The following CACNA1C variants were observed in gnomAD, a reference collection of about 807,000 sequenced individuals.
CACNA1C encodes the protein calcium voltage-gated channel subunit alpha1 C.
CACNA1C carries 30 observed loss-of-function variants against 229.0 expected under a neutral mutation model. The observed-to-expected ratio is 0.13, with a 90% CI of 0.10 to 0.18. CACNA1C has a LOEUF of 0.18. Among genes scored for constraint, CACNA1C ranks in the 10% least tolerant of loss-of-function variants. The probability of loss-of-function intolerance (pLI) is 1.00; values close to 1 mark genes in which losing one functional copy is unlikely to be tolerated. For missense variants in CACNA1C, 1,658 were observed against 2,845.0 expected, an observed-to-expected ratio of 0.58 and a Z score of 9.49; for synonymous variants, 1,114 against 1,132.5, an observed-to-expected ratio of 0.98 and a Z score of 0.33.
intron 29 of CACNA1C, 37 bp from the exon 30 acceptor site, chr12:2,634,260 T>G (rs1258086618): frequency 4.6e-6 from 5 of 1,091,592 alleles, no homozygotes; most frequent in Non-Finnish European, 6.6e-6. Flanking sequence ...TTGTTGGTTC[T>G]TCTTCTCTCT....
intron 9 of CACNA1C, among the ~76,000 whole-genome samples, chr12:2,536,243 G>T (rs968907980): frequency 8.5e-5 from 13 of 152,200 alleles, no homozygotes; most frequent in Non-Finnish European, 1.5e-4. Flanking sequence ...AGAACAAATC[G>T]TGAGCTCTGC....
At chr12:2,327,636 G>A (rs556844379) in intron 3 of CACNA1C, among the ~76,000 whole-genome samples, 12 of 152,322 alleles carry the variant, frequency 7.9e-5, no homozygotes, top group Middle Eastern at 3.4e-3. Context: ...CTCGGAATAC[G>A]TGAACCTGAT....
chr12:2,431,957 C>T (rs553609666), intron 3 of CACNA1C, among the ~76,000 whole-genome samples: 12 of 152,318 alleles, frequency 7.9e-5, no homozygotes, highest in African/African-American at 2.6e-4. Flanking sequence ...TCAGCCCAAC[C>T]CTGCCAAGGT....
Position 2,323,982 on chromosome 12 carries a change from G to A in CACNA1C, c.478-124994G>A, listed in dbSNP as rs188390824. On this transcript the variant is annotated intron_variant, in intron 3 of 46. Coordinates refer to ENST00000399655, the MANE Select transcript of CACNA1C (RefSeq NM_000719.7). The stretch of plus-strand genomic sequence containing the variant: ...ATGAAATCTGAGTCCTTCCATTCCA[G>A]TTCTCCATCGCAGGAGCCGGGTCTG... 1.6e-4 allele frequency among the ~76,000 whole-genome samples: 24 copies of A among 152,336 alleles called. No individual in the cohort carries two copies. The South Asian group carries it at 2.5e-3, about 16-fold the overall frequency.
At chr12:1,997,300 G>A (rs1393456405) in intron 1 of CACNA1C, among the ~76,000 whole-genome samples, 2 of 152,128 alleles carry the variant, frequency 1.3e-5, no homozygotes, top group Non-Finnish European at 1.5e-5. Flanking sequence ...AGGCCAAGGC[G>A]GGTGGATCAC....
At chr12:2,222,355 C>T (rs749079580) in intron 3 of CACNA1C, 1 of 152,018 alleles carries the variant, frequency 6.6e-6, no homozygotes, top group Non-Finnish European at 1.5e-5. Flanking sequence ...AGTCCCAGCT[C>T]AGCCATTCAC....
At chr12:2,195,958 G>C (rs1259346336) in intron 3 of CACNA1C, among the ~76,000 whole-genome samples, 2 of 152,194 alleles carry the variant, frequency 1.3e-5, no homozygotes, top group African/African-American at 4.8e-5. Context: ...AGCATCGCTG[G>C]CAGAGGAGTG....
At chr12:2,374,104 G>A (rs966889396) in intron 3 of CACNA1C, among the ~76,000 whole-genome samples, 10 of 152,096 alleles carry the variant, frequency 6.6e-5, no homozygotes, top group African/African-American at 2.2e-4. Flanking sequence ...ACCCTCTTCC[G>A]CCCCACAACT....
chr12:2,124,542 G>A (rs1229823091), intron 3 of CACNA1C, among the ~76,000 whole-genome samples: 8 of 152,226 alleles, frequency 5.3e-5, no homozygotes, highest in Non-Finnish European at 8.8e-5. Context: ...GAGGAGGCTC[G>A]AAGGCTTTAA....
At chr12:2,060,284 G>A (rs936970985) in intron 1 of CACNA1C, among the ~76,000 whole-genome samples, 3 of 152,174 alleles carry the variant, frequency 2.0e-5, no homozygotes, top group African/African-American at 7.2e-5. Flanking sequence ...GGCATTACCA[G>A]TAGCTGGGGT....
rs145657634 is a variant in CACNA1C at position 2,497,969 on chromosome 12, T to TCTCACA, written c.1113+4584_1113+4585insTCACAC. Among the ~76,000 whole-genome samples, 408 of 144,014 alleles carry TCTCACA rather than the reference T, an allele frequency of 2.8e-3. 4 individuals are homozygous for TCTCACA. The highest frequency in any genetic ancestry group is 0.01 in the African/African-American group (399 of 39,412). The allele number at this position is 144,014 out of a possible 152,430, so 94.5% of individuals were successfully genotyped here. A position where few individuals can be genotyped will look rare whatever the true frequency, so the allele number is the denominator to read the frequency against. The stretch of plus-strand genomic sequence containing the variant: ...TGCGGAGAAGGTATTTCTATTAAAT[T>TCTCACA]CACACACACACACACACACACACAC... On this transcript the variant is annotated intron_variant, in intron 7 of 46. Transcript: ENST00000399655.
At chr12:2,003,405 T>C (rs925357001) in intron 1 of CACNA1C, among the ~76,000 whole-genome samples, 64 of 152,376 alleles carry the variant, frequency 4.2e-4, no homozygotes, top group Non-Finnish European at 3.2e-4. Context: ...ATGGATATCA[T>C]GTATGTGATA....
intron 3 of CACNA1C, among the ~76,000 whole-genome samples, chr12:2,191,651 C>T (rs545261105): frequency 6.9e-6 from 1 of 145,216 alleles, no homozygotes; most frequent in Admixed American, 6.7e-5. Flanking sequence ...TAAACAGGCA[C>T]ACACACGCAC....
chr12:2,041,956 AAGTT>A (rs1381077467), intron 1 of CACNA1C, among the ~76,000 whole-genome samples: 2 of 152,214 alleles, frequency 1.3e-5, no homozygotes, highest in African/African-American at 4.8e-5. Context: ...ATGCGTTTTC[AAGTT>A]GACATCCCAA....
chr12:2,209,905 T>A (rs2097865244), intron 3 of CACNA1C, among the ~76,000 whole-genome samples: 1 of 152,240 alleles, frequency 6.6e-6, no homozygotes, highest in African/African-American at 2.4e-5. Flanking sequence ...TAAAAATGTG[T>A]GTCTGGTTAT....
chr12:2,214,645 A>G (rs1384117954), intron 3 of CACNA1C, among the ~76,000 whole-genome samples: 1 of 80,072 alleles, frequency 1.2e-5, no homozygotes, highest in Non-Finnish European at 2.5e-5. Context: ...ATGGCCCTGT[A>G]TGCCCTCAGT....
intron 3 of CACNA1C, among the ~76,000 whole-genome samples, chr12:2,372,220 C>T (rs1053324245): frequency 2.6e-5 from 4 of 152,214 alleles, no homozygotes; most frequent in Non-Finnish European, 5.9e-5. Flanking sequence ...GCACAATTCC[C>T]GTCGTCATCT....
chr12:2,650,772 C>G (rs2094874400), intron 31 of CACNA1C, among the ~76,000 whole-genome samples: 2 of 152,186 alleles, frequency 1.3e-5, no homozygotes, highest in Admixed American at 1.3e-4. Flanking sequence ...GCACTCCACC[C>G]TTCCTCCCCT....
Position 2,110,850 on chromosome 12 carries a change from C to G in CACNA1C, c.50-4374C>G, listed in dbSNP as rs892716310. On this transcript the variant is annotated intron_variant, in intron 1 of 46. Transcript: ENST00000399655. ...ACAGACTGGTCTATATGTCTGAGGTCAGGGTGGGGATCTACCGCAGTGGGT... is the reference window on the plus strand; with the variant it reads ...ACAGACTGGTCTATATGTCTGAGGTGAGGGTGGGGATCTACCGCAGTGGGT... Among the ~76,000 whole-genome samples the G allele has an allele frequency of 2.5e-4, 38 of 152,278 alleles. 1 individual carries two copies. Among genetic ancestry groups the G allele is most frequent in the Middle Eastern group, 6.8e-3 (2 of 294 alleles).
Sources: allele counts gnomAD v4.1 joint callset (sites outside exome capture counted in the v4.1 genomes callset), GRCh38; gene constraint gnomAD v4.1.1; transcripts MANE v1.5; gene names NCBI Gene and HGNC (gene_info 2026-07-23, HGNC 2026-07-21).